The following DLC1 variants were observed in gnomAD, a reference collection of about 807,000 sequenced individuals.
DLC1 encodes the protein DLC1 Rho GTPase activating protein, also known as rho GTPase-activating protein 7.
In DLC1, 54 loss-of-function variants were observed where a neutral mutation model predicts 140.3. The observed-to-expected ratio is 0.38, with a 90% CI of 0.31 to 0.48. DLC1 has a LOEUF of 0.48. Ranked by LOEUF, DLC1 falls within the 20% of genes least tolerant of loss-of-function variation. The pLI is 0.96. For synonymous variants in DLC1, 986 were observed against 728.1 expected, an observed-to-expected ratio of 1.35 and a Z score of -5.70; for missense variants, 2,536 against 1,907.0, an observed-to-expected ratio of 1.33 and a Z score of -6.14.
rs944752600 is a variant in DLC1 at position 13,171,751 on chromosome 8, A to G, written c.1349-56094T>C. Among the ~76,000 whole-genome samples the G allele has an allele frequency of 2.6e-5, 4 of 152,312 alleles. No homozygotes were observed. The South Asian group carries it at 6.2e-4, about 24-fold the overall frequency. On this transcript the variant is annotated intron_variant, in intron 5 of 17. Coordinates refer to ENST00000276297, the MANE Select transcript of DLC1 (RefSeq NM_182643.3). ...AGTGGACTTCTATGTACAGCTGAAC[A>G]TATAACATCTAATCAAGGCCTTGCG...
intron 5 of DLC1, among the ~76,000 whole-genome samples, chr8:13,118,240 A>G (rs1820745942): frequency 6.6e-6 from 1 of 152,218 alleles, no homozygotes; most frequent in South Asian, 2.1e-4. Context: ...TAAACTGATC[A>G]GAAAAGCTGT....
intron 5 of DLC1, among the ~76,000 whole-genome samples, chr8:13,255,052 C>T (rs1000942062): frequency 6.6e-6 from 1 of 152,046 alleles, no homozygotes; most frequent in Non-Finnish European, 1.5e-5. Flanking sequence ...TCTCGGCTCA[C>T]TGCAACCTCT....
intron 2 of DLC1, among the ~76,000 whole-genome samples, chr8:13,424,443 C>G (rs983448676): frequency 2.0e-5 from 3 of 152,078 alleles, no homozygotes. Flanking sequence ...GAGCAGAGAT[C>G]ACGCCACTTC....
At chr8:13,418,662 T>C (rs1838180760) in intron 2 of DLC1, among the ~76,000 whole-genome samples, 2 of 152,210 alleles carry the variant, frequency 1.3e-5, no homozygotes, top group Admixed American at 1.3e-4. Flanking sequence ...CCTCCAGCTT[T>C]GTTCTTTTGG....
intron 4 of DLC1, among the ~76,000 whole-genome samples, chr8:13,388,170 CCAAT>C (rs1390420435): frequency 1.3e-5 from 2 of 151,944 alleles, no homozygotes; most frequent in African/African-American, 4.8e-5. Flanking sequence ...TGTCGTACTC[CCAAT>C]CAGACTGTCT....
At chr8:13,429,822 A>G (rs894858620) in intron 2 of DLC1, among the ~76,000 whole-genome samples, 2 of 152,222 alleles carry the variant, frequency 1.3e-5, no homozygotes, top group Non-Finnish European at 2.9e-5. Context: ...ATTTGTTTGG[A>G]AAACATGCTG....
chr8:13,222,124 G>A (rs562296810), intron 5 of DLC1, among the ~76,000 whole-genome samples: 3 of 151,666 alleles, frequency 2.0e-5, no homozygotes, highest in African/African-American at 7.3e-5. Flanking sequence ...AAACTTTGGT[G>A]TTCATGTTTC....
At chr8:13,422,462 A>T (rs1167948380) in intron 2 of DLC1, among the ~76,000 whole-genome samples, 1 of 151,906 alleles carries the variant, frequency 6.6e-6, no homozygotes, top group Non-Finnish European at 1.5e-5. Flanking sequence ...TTAATAAATG[A>T]TTGGCTTCCT....
chr8:13,131,485 C>A (rs1264636800), intron 5 of DLC1, among the ~76,000 whole-genome samples: 1 of 152,208 alleles, frequency 6.6e-6, no homozygotes, highest in Non-Finnish European at 1.5e-5. Flanking sequence ...CCTCTGAATC[C>A]TGAGAATGAA....
intron 2 of DLC1, among the ~76,000 whole-genome samples, chr8:13,460,635 A>G (rs1042370680): frequency 6.6e-6 from 1 of 152,154 alleles, no homozygotes; most frequent in Non-Finnish European, 1.5e-5. Flanking sequence ...ACAAGGAGAT[A>G]CTCTGGGGGG....
chr8:13,121,289 C>T (rs562329848), intron 5 of DLC1, among the ~76,000 whole-genome samples: 1 of 152,192 alleles, frequency 6.6e-6, no homozygotes, highest in South Asian at 2.1e-4. Flanking sequence ...CATTCTCCTC[C>T]CCGTGGTGAC....
intron 5 of DLC1, among the ~76,000 whole-genome samples, chr8:13,132,418 T>C (rs548565356): frequency 6.6e-6 from 1 of 151,942 alleles, no homozygotes; most frequent in East Asian, 1.9e-4. Flanking sequence ...TGGTGAACTT[T>C]CAGGCAGTGA....
intron 2 of DLC1, among the ~76,000 whole-genome samples, chr8:13,438,301 G>A (rs1030541983): frequency 4.6e-5 from 7 of 152,068 alleles, no homozygotes; most frequent in African/African-American, 1.7e-4. Flanking sequence ...TTGTCTTATG[G>A]CCCTTGCTGA....
intron 5 of DLC1, among the ~76,000 whole-genome samples, chr8:13,288,626 G>A (rs1831629470): frequency 6.6e-6 from 1 of 152,158 alleles, no homozygotes; most frequent in Non-Finnish European, 1.5e-5. Context: ...TGCTTATCTT[G>A]CTCAGCAGGC....
intron 2 of DLC1, among the ~76,000 whole-genome samples, chr8:13,446,188 T>G (rs1798770168): frequency 6.6e-6 from 1 of 152,180 alleles, no homozygotes; most frequent in African/African-American, 2.4e-5. Flanking sequence ...ACAAAGAACT[T>G]TTGACTTTGC....
At position 13,579,926 on chromosome 8, in the gene DLC1, A is replaced by G. The variant is rs145572756; in HGVS notation, c.-126+24611T>C. 3.0e-4 allele frequency among the ~76,000 whole-genome samples: 45 copies of G among 151,916 alleles called. No individual in the cohort carries two copies. The East Asian group carries it at 5.1e-3, about 17-fold the overall frequency. On this transcript the variant is annotated intron_variant, in intron 1 of 1. Transcript: ENST00000631382. ...TGGTGGCCAGTGCCTGGTTGAGACA[A>G]ACAACAATGGTGACAGGATAGGAGT...
chr8:13,157,324 G>A (rs61344286), intron 5 of DLC1, among the ~76,000 whole-genome samples: 8,990 of 152,174 alleles, frequency 0.059, 862 homozygotes, highest in African/African-American at 0.2. Context: ...AGAAAGTACA[G>A]GAGCAAAAAG....
chr8:13,315,221 C>G (rs888768204), intron 4 of DLC1, among the ~76,000 whole-genome samples: 3 of 152,170 alleles, frequency 2.0e-5, no homozygotes, highest in African/African-American at 7.2e-5. Flanking sequence ...TCGAGACCAG[C>G]ATGAACAAGA....
intron 5 of DLC1, among the ~76,000 whole-genome samples, chr8:13,257,431 T>C (rs1345341704): frequency 8.8e-6 from 1 of 114,180 alleles, no homozygotes; most frequent in African/African-American, 3.4e-5. Context: ...AGCAATACCC[T>C]GTCTCAGGAA....
Sources: allele counts gnomAD v4.1 joint callset (sites outside exome capture counted in the v4.1 genomes callset), GRCh38; gene constraint gnomAD v4.1.1; transcripts MANE v1.5; gene names NCBI Gene and HGNC (gene_info 2026-07-23, HGNC 2026-07-21).